SLX4IP: variants seen among roughly 807,000 people sequenced by gnomAD.
SLX4IP encodes SLX4 interacting protein.
SLX4IP carries 34 observed loss-of-function variants against 32.9 expected under a neutral mutation model. The ratio of observed to expected loss-of-function variants is 1.03; its 90% CI spans 0.79 to 1.38. The LOEUF (loss-of-function observed/expected upper bound fraction) is 1.38, where lower values mean the gene tolerates loss of function less well. SLX4IP is among the 40% of genes most tolerant of loss of function. SLX4IP has a pLI of 0.00. For synonymous variants in SLX4IP, 172 were observed against 171.7 expected (o/e 1.00, Z -0.01); for missense variants, 444 against 479.0 (o/e 0.93, Z 0.68).
At chr20:10,468,237 GAATTTACTCCTCTTAGA>G (rs1281663911) in intron 2 of SLX4IP, among the ~76,000 whole-genome samples, 8 of 152,064 alleles carry the variant, frequency 5.3e-5, no homozygotes, top group Non-Finnish European at 1.2e-4. Flanking sequence ...AGAGCATCTT[GAATTTACTCCTCTTAGA>G]AATTCAAGCC....
intron 2 of SLX4IP, among the ~76,000 whole-genome samples, chr20:10,500,215 A>C (rs779389704): frequency 2.1e-5 from 3 of 142,044 alleles, no homozygotes; most frequent in Non-Finnish European, 3.0e-5. Flanking sequence ...GCTCACTGCA[A>C]CCTCTGAATT....
chr20:10,436,234 T>C (rs1056860673), intron 1 of SLX4IP, among the ~76,000 whole-genome samples: 2 of 152,192 alleles, frequency 1.3e-5, no homozygotes, highest in African/African-American at 4.8e-5. Flanking sequence ...CCCTGGGAGC[T>C]TGTTAGAATT....
In SLX4IP at chr20:10,562,579, TACA is replaced by T. The variant is rs376661030; in HGVS notation, c.238+1763_238+1765del. Among the ~76,000 whole-genome samples the T allele has an allele frequency of 1.3e-3, 203 of 152,040 alleles. 1 individual carries two copies. Among genetic ancestry groups the T allele is most frequent in the Non-Finnish European group, 2.2e-3 (151 of 67,976 alleles). ...GGTAGGCCATGGTGTTCTTGGAAAA[TACA>T]ACATTTGGGCGTGAAAACAGGAGTG... On this transcript the variant is annotated intron_variant, in intron 4 of 7. Transcript: ENST00000334534.
intron 2 of SLX4IP, among the ~76,000 whole-genome samples, chr20:10,505,192 C>G (rs1004517786): frequency 3.3e-4 from 50 of 152,216 alleles, no homozygotes; most frequent in African/African-American, 1.2e-3. Context: ...CATTTGGGGA[C>G]TTAGAGGAAT....
At chr20:10,516,065 T>C (rs2065847190) in intron 2 of SLX4IP, among the ~76,000 whole-genome samples, 1 of 152,150 alleles carries the variant, frequency 6.6e-6, no homozygotes, top group Non-Finnish European at 1.5e-5. Context: ...ATTTTTGTGT[T>C]TTTGTAGAGA....
chr20:10,495,903 T>G (rs1261601730), intron 2 of SLX4IP, among the ~76,000 whole-genome samples: 1 of 152,098 alleles, frequency 6.6e-6, no homozygotes, highest in African/African-American at 2.4e-5. Flanking sequence ...GTTGTTGTTA[T>G]TATTTGGTTG....
At chr20:10,608,673 CAAA>C (rs560866110) in intron 6 of SLX4IP, among the ~76,000 whole-genome samples, 3 of 60,444 alleles carry the variant, frequency 5.0e-5, no homozygotes, top group African/African-American at 6.7e-5. Context: ...TACTCTGTCT[CAAA>C]AAAAAAAAAA....
chr20:10,552,784 G>GT (rs1461862236), intron 2 of SLX4IP, among the ~76,000 whole-genome samples: 2 of 151,370 alleles, frequency 1.3e-5, no homozygotes, highest in Non-Finnish European at 2.9e-5. Context: ...TGCTGTTACA[G>GT]TATCAATTCA....
chr20:10,459,070 T>C (rs978856602), intron 2 of SLX4IP, among the ~76,000 whole-genome samples: 1 of 152,234 alleles, frequency 6.6e-6, no homozygotes, highest in Non-Finnish European at 1.5e-5. Context: ...TGGCGTGAGA[T>C]GGTATTGCAT....
intron 1 of SLX4IP, among the ~76,000 whole-genome samples, chr20:10,437,803 A>T (rs1409022647): frequency 6.6e-6 from 1 of 152,264 alleles, no homozygotes; most frequent in African/African-American, 2.4e-5. Context: ...TAGTATTAAC[A>T]TACCTCATAT....
At chr20:10,440,746 A>T (rs1173756422) in intron 1 of SLX4IP, among the ~76,000 whole-genome samples, 1 of 152,178 alleles carries the variant, frequency 6.6e-6, no homozygotes, top group African/African-American at 2.4e-5. Context: ...CTATTTTATT[A>T]ATGATTATCA....
intron 6 of SLX4IP, among the ~76,000 whole-genome samples, chr20:10,610,660 G>A (rs2066955958): frequency 6.6e-6 from 1 of 152,230 alleles, no homozygotes; most frequent in African/African-American, 2.4e-5. Flanking sequence ...CAGAACAAAT[G>A]TCCATCATCA....
In SLX4IP at chr20:10,625,427, G is replaced by A. The variant is rs1348669984; in HGVS notation, c.*2048G>A. ...CCAGAACTAGGGGGGAGATATTTGAGCTGGAGCCACCAGAGAACATTTCTA... is the reference window on the plus strand; with the variant it reads ...CCAGAACTAGGGGGGAGATATTTGAACTGGAGCCACCAGAGAACATTTCTA... On this transcript the variant is annotated 3_prime_UTR_variant, in exon 8 of 8. Transcript: ENST00000334534. 6.6e-6 allele frequency: 1 copy of A among 152,222 alleles called. No homozygotes were observed. The highest frequency in any genetic ancestry group is 1.5e-5 in the Non-Finnish European group (1 of 68,028). 9.4% of individuals were successfully genotyped at this position (152,222 alleles called of 1,614,324 possible).
intron 2 of SLX4IP, among the ~76,000 whole-genome samples, chr20:10,462,683 CA>C (rs1420473135): frequency 6.6e-6 from 1 of 152,098 alleles, no homozygotes; most frequent in East Asian, 1.9e-4. Flanking sequence ...GGGGAATAAA[CA>C]GAGAAAGAAT....
intron 2 of SLX4IP, among the ~76,000 whole-genome samples, chr20:10,514,753 T>C (rs191453969): frequency 1.5e-3 from 233 of 152,340 alleles, no homozygotes; most frequent in African/African-American, 5.4e-3. Context: ...AAGTAGTTTT[T>C]ATGTAAGAAG....
intron 2 of SLX4IP, among the ~76,000 whole-genome samples, chr20:10,555,217 G>C (rs1401084643): frequency 6.6e-6 from 1 of 150,926 alleles, no homozygotes; most frequent in African/African-American, 2.4e-5. Flanking sequence ...AAACAAAACT[G>C]TCCAGCCAAG....
At chr20:10,435,492 C>CAAGTG (rs1480101625) in intron 1 of SLX4IP, 39 bp downstream of exon 1, 4 of 152,252 alleles carry the variant, frequency 2.6e-5, no homozygotes, top group African/African-American at 9.6e-5. Flanking sequence ...GATGTTCCTT[C>CAAGTG]AAGTGAACTG....
At chr20:10,464,679 C>T (rs186411419) in intron 2 of SLX4IP, among the ~76,000 whole-genome samples, 296 of 152,330 alleles carry the variant, frequency 1.9e-3, no homozygotes, top group African/African-American at 6.9e-3. Context: ...TAGTTTGACA[C>T]TTCATCTGGG....
rs541148777 is a variant in SLX4IP at position 10,589,126 on chromosome 20, A to C, written c.239-9549A>C. ...GATTTAATAGGCATTTCAGCTGACA[A>C]CATATAGAAGTCAGTTACAACAGCA... On this transcript the variant is annotated intron_variant, in intron 4 of 7. Transcript: ENST00000334534. 2.6e-5 allele frequency among the ~76,000 whole-genome samples: 4 copies of C among 152,330 alleles called. No homozygotes were observed. The East Asian group carries it at 7.7e-4, about 29-fold the overall frequency.
Sources: gnomAD v4.1 joint callset for allele counts (sites outside exome capture counted in the v4.1 genomes callset) on GRCh38, gnomAD v4.1.1 for gene constraint, MANE v1.5 for transcripts, NCBI Gene and HGNC (gene_info 2026-07-23, HGNC 2026-07-21) for gene names.